ASTN2: variants seen among roughly 807,000 people sequenced by gnomAD.
The protein encoded by ASTN2 is astrotactin-2.
ASTN2 carries 54 observed loss-of-function variants against 139.8 expected under a neutral mutation model. That is an observed-to-expected ratio of 0.39 (90% CI 0.31 to 0.48). ASTN2 has a LOEUF of 0.48. ASTN2 is among the 20% of genes least tolerant of loss of function. ASTN2 has a pLI of 0.95. For missense variants in ASTN2, 1,565 were observed against 1,725.1 expected (o/e 0.91, Z 1.64); for synonymous variants, 756 against 719.5 (o/e 1.05, Z -0.81).
At chr9:116,461,350 A>C (rs1848480358) in intron 20 of ASTN2, among the ~76,000 whole-genome samples, 1 of 152,084 alleles carries the variant, frequency 6.6e-6, no homozygotes, top group South Asian at 2.1e-4. Context: ...CAGACCACAT[A>C]GTAGGACCTC....
At chr9:116,582,996 C>T (rs1424448746) in intron 19 of ASTN2, 1 of 152,214 alleles carries the variant, frequency 6.6e-6, no homozygotes, top group Non-Finnish European at 1.5e-5. Context: ...CTGAGTGGCA[C>T]AGACTTAGGC....
chr9:117,257,857 C>T (rs1429994098), intron 2 of ASTN2, among the ~76,000 whole-genome samples: 1 of 152,210 alleles, frequency 6.6e-6, no homozygotes. Context: ...CATTGCTCTG[C>T]CCTCTTTTCC....
At chr9:117,252,451 A>G (rs1833564183) in intron 2 of ASTN2, among the ~76,000 whole-genome samples, 1 of 152,202 alleles carries the variant, frequency 6.6e-6, no homozygotes, top group Non-Finnish European at 1.5e-5. Flanking sequence ...ATACTTGCTG[A>G]TATTCTCAAA....
rs948358966 is a variant in ASTN2 at position 116,801,787 on chromosome 9, G to A, written c.2396+3845C>T. Among the ~76,000 whole-genome samples, 42 of 152,084 alleles carry A rather than the reference G, an allele frequency of 2.8e-4. 1 individual carries two copies. Among genetic ancestry groups the A allele is most frequent in the African/African-American group, 9.4e-4 (39 of 41,496 alleles). On this transcript the variant is annotated intron_variant, in intron 13 of 22. Transcript: ENST00000313400. ...AGAAAGTTTAGCTGAAGCCAAGGAC[G>A]ACAGAGCTTAAATGGAATAGATTGC...
chr9:117,230,138 T>A (rs1417193644), intron 2 of ASTN2, among the ~76,000 whole-genome samples: 3 of 148,986 alleles, frequency 2.0e-5, no homozygotes, highest in Admixed American at 2.0e-4. Flanking sequence ...AAAGCCCTAT[T>A]GATCCTGAGC....
chr9:116,553,402 C>T (rs1307722113), intron 19 of ASTN2, among the ~76,000 whole-genome samples: 2 of 152,178 alleles, frequency 1.3e-5, no homozygotes, highest in African/African-American at 4.8e-5. Context: ...TTTTCCTTAA[C>T]TTTTCTCTTC....
chr9:117,016,776 T>TTATATATATAGGTTATATATAGGTTA (rs1837722284), intron 6 of ASTN2, among the ~76,000 whole-genome samples: 4 of 116,194 alleles, frequency 3.4e-5, no homozygotes, highest in Non-Finnish European at 7.5e-5. Context: ...TATATAGGTT[T>TTATATATATAGGTTATATATAGGTTA]TATATATATA....
At chr9:116,524,256 C>G (rs1250726382) in intron 19 of ASTN2, among the ~76,000 whole-genome samples, 1 of 152,152 alleles carries the variant, frequency 6.6e-6, no homozygotes, top group Admixed American at 6.6e-5. Context: ...TATCTTCTTA[C>G]AAATTTTTGT....
intron 2 of ASTN2, among the ~76,000 whole-genome samples, chr9:117,245,369 AT>A (rs1336091633): frequency 6.6e-6 from 1 of 152,202 alleles, no homozygotes. Flanking sequence ...TTGTGGATGC[AT>A]TTGCAGCATC....
At chr9:117,067,051 T>A (rs1827971316) in intron 5 of ASTN2, among the ~76,000 whole-genome samples, 1 of 88,748 alleles carries the variant, frequency 1.1e-5, no homozygotes, top group African/African-American at 4.1e-5. Flanking sequence ...TTGCCATTGC[T>A]TTTGGTGTTT....
At chr9:116,946,949 A>AAC (rs1554764015) in intron 10 of ASTN2, among the ~76,000 whole-genome samples, 2 of 151,636 alleles carry the variant, frequency 1.3e-5, no homozygotes, top group Non-Finnish European at 2.9e-5. Flanking sequence ...AAAAAAAAAA[A>AAC]AACAACCCAG....
chr9:116,458,394 T>C (rs1407199637), intron 20 of ASTN2, among the ~76,000 whole-genome samples: 2 of 151,818 alleles, frequency 1.3e-5, no homozygotes, highest in African/African-American at 4.8e-5. Flanking sequence ...AAAGAAATAA[T>C]AAATGCTTGA....
chr9:116,524,525 T>G (rs1183103660), intron 19 of ASTN2, among the ~76,000 whole-genome samples: 1 of 152,150 alleles, frequency 6.6e-6, no homozygotes, highest in African/African-American at 2.4e-5. Flanking sequence ...CAAGATGACA[T>G]GAGTTCCAGT....
At chr9:116,540,247 T>C (rs1355695481) in intron 19 of ASTN2, among the ~76,000 whole-genome samples, 4 of 152,098 alleles carry the variant, frequency 2.6e-5, no homozygotes, top group Non-Finnish European at 4.4e-5. Flanking sequence ...TGGTGGGAAA[T>C]TTATCATTTA....
rs909535069 is a variant in ASTN2 at position 116,571,916 on chromosome 9, G to A, written c.3355+46408C>T. 1.3e-5 allele frequency among the ~76,000 whole-genome samples: 2 copies of A among 152,108 alleles called. 1 individual carries two copies. Among genetic ancestry groups the A allele is most frequent in the South Asian group, 4.1e-4 (2 of 4,822 alleles). Reference sequence around the variant, plus strand: ...GCTCACATGCATGTTTATATGTGTTGGTATCTGTGTGTTGCCTTTGTTTTT... The same window carrying A: ...GCTCACATGCATGTTTATATGTGTTAGTATCTGTGTGTTGCCTTTGTTTTT... On this transcript the variant is annotated intron_variant, in intron 19 of 22. Transcript: ENST00000313400.
At chr9:116,836,446 A>G (rs1831994594) in intron 11 of ASTN2, among the ~76,000 whole-genome samples, 1 of 151,998 alleles carries the variant, frequency 6.6e-6, no homozygotes, top group South Asian at 2.1e-4. Flanking sequence ...TCCCATGGGG[A>G]GGGGTGTGTT....
chr9:117,101,754 A>G (rs1294885492), intron 4 of ASTN2, among the ~76,000 whole-genome samples: 1 of 152,226 alleles, frequency 6.6e-6, no homozygotes, highest in Non-Finnish European at 1.5e-5. Flanking sequence ...TGTATGTCTG[A>G]TTCAAAAATG....
chr9:116,462,611 T>C (rs991901334), intron 20 of ASTN2, among the ~76,000 whole-genome samples: 3 of 152,144 alleles, frequency 2.0e-5, no homozygotes, highest in Non-Finnish European at 2.9e-5. Flanking sequence ...CTAAACTCAC[T>C]GTTGACTCCC....
At chr9:117,061,139 T>TTTTTTTTA (rs1554774228) in intron 5 of ASTN2, among the ~76,000 whole-genome samples, 7 of 141,928 alleles carry the variant, frequency 4.9e-5, no homozygotes, top group Admixed American at 2.1e-4. Flanking sequence ...TACACCAGTC[T>TTTTTTTTA]TTTATTTATT....
Sources: allele counts gnomAD v4.1 joint callset (sites outside exome capture counted in the v4.1 genomes callset), GRCh38; gene constraint gnomAD v4.1.1; transcripts MANE v1.5; gene names NCBI Gene and HGNC (gene_info 2026-07-23, HGNC 2026-07-21).